SLC2A9: variants seen among roughly 807,000 people sequenced by gnomAD.
The protein encoded by SLC2A9 is solute carrier family 2 member 9, also known as solute carrier family 2, facilitated glucose transporter member 9.
SLC2A9 carries 39 observed loss-of-function variants against 50.6 expected under a neutral mutation model. The observed-to-expected ratio is 0.77, with a 90% CI of 0.60 to 1.01. SLC2A9 has a LOEUF of 1.01. Among genes scored for constraint, SLC2A9 ranks in the 50% least tolerant of loss-of-function variants. SLC2A9 has a pLI of 0.00. For missense variants in SLC2A9, 686 were observed against 677.6 expected, an observed-to-expected ratio of 1.01 and a Z score of -0.14; for synonymous variants, 324 against 276.9, an observed-to-expected ratio of 1.17 and a Z score of -1.69.
downstream of SLC2A9, among the ~76,000 whole-genome samples, chr4:9,825,176 T>C (rs1724934217): frequency 6.6e-6 from 1 of 152,236 alleles, no homozygotes; most frequent in Non-Finnish European, 1.5e-5. Flanking sequence ...TAGGACACGT[T>C]TTTTCATTTT....
intron 10 of SLC2A9, among the ~76,000 whole-genome samples, chr4:9,866,186 GA>G (rs1732434061): frequency 1.3e-5 from 2 of 152,034 alleles, no homozygotes; most frequent in Non-Finnish European, 2.9e-5. Context: ...GAATGGATAT[GA>G]ACATGGATGC....
intron 5 of SLC2A9, among the ~76,000 whole-genome samples, chr4:9,974,753 T>A (rs1754507835): frequency 6.6e-6 from 1 of 151,838 alleles, no homozygotes; most frequent in South Asian, 2.1e-4. Context: ...GAAAAAAAAA[T>A]TCTAAAATTC....
chr4:9,902,309 T>C lies in SLC2A9; in HGVS notation c.1113+5926A>G, dbSNP rs377049397. Among the ~76,000 whole-genome samples the C allele has an allele frequency of 1.1e-3, 163 of 152,304 alleles. 1 individual carries two copies. The highest frequency in any genetic ancestry group is 3.8e-3 in the African/African-American group (156 of 41,570). ...CTCCACAGCAGAGACCTTTGTCTGTTTTGTCCACTGGCACAGAGCAGGGGC... is the reference window on the plus strand; with the variant it reads ...CTCCACAGCAGAGACCTTTGTCTGTCTTGTCCACTGGCACAGAGCAGGGGC... On this transcript the variant is annotated intron_variant, in intron 8 of 11. Transcript: ENST00000264784.
At chr4:9,830,041 G>T (rs1443580724) in intron 11 of SLC2A9, among the ~76,000 whole-genome samples, 1 of 152,142 alleles carries the variant, frequency 6.6e-6, no homozygotes, top group Non-Finnish European at 1.5e-5. Context: ...GTAAATCATT[G>T]TATTATAAAG....
intron 2 of SLC2A9, among the ~76,000 whole-genome samples, chr4:10,010,726 C>T (rs1246183697): frequency 5.3e-5 from 8 of 152,240 alleles, no homozygotes; most frequent in African/African-American, 1.9e-4. Context: ...ACTGCACAAA[C>T]AGGCACCAAG....
chr4:10,037,110 T>C (rs1211272626), intron 1 of SLC2A9, among the ~76,000 whole-genome samples: 1 of 152,222 alleles, frequency 6.6e-6, no homozygotes, highest in Admixed American at 6.5e-5. Context: ...CTTGTTGAAG[T>C]GTGATTTATG....
At chr4:10,001,481 T>A (rs1400991130) in intron 2 of SLC2A9, among the ~76,000 whole-genome samples, 1 of 152,202 alleles carries the variant, frequency 6.6e-6, no homozygotes, top group Non-Finnish European at 1.5e-5. Flanking sequence ...ACTTCTGACC[T>A]CTAGAACTAT....
At chr4:9,790,222 G>A (rs1215498057) in intron 3 of SLC2A9, among the ~76,000 whole-genome samples, 1 of 152,146 alleles carries the variant, frequency 6.6e-6, no homozygotes, top group Non-Finnish European at 1.5e-5. Context: ...TTGCCCATGG[G>A]TCCTCTCCAG....
At chr4:9,912,756 T>C (rs1742083160) in intron 7 of SLC2A9, among the ~76,000 whole-genome samples, 1 of 152,246 alleles carries the variant, frequency 6.6e-6, no homozygotes, top group Non-Finnish European at 1.5e-5. Context: ...AATGTTCACA[T>C]GCTAATCCTG....
rs147061304 is a variant in SLC2A9, at chr4:9,812,069, T to A, written n.421-12828A>T. ...CTGTGAGTCCAGATTATGTCACTGG[T>A]AACTGAAAGAGTCCTAAGTAATAAA... is the stretch of plus-strand genomic sequence containing the variant. On this transcript the variant is annotated intron_variant and non_coding_transcript_variant, in intron 3 of 3. Transcript: ENST00000503280. 7.1e-4 allele frequency among the ~76,000 whole-genome samples: 108 copies of A among 152,332 alleles called. 2 individuals are homozygous for A. Among genetic ancestry groups the A allele is most frequent in the Middle Eastern group, 3.4e-3 (1 of 294 alleles).
At chr4:9,941,557 T>C (rs1192713774) in intron 6 of SLC2A9, among the ~76,000 whole-genome samples, 2 of 152,144 alleles carry the variant, frequency 1.3e-5, no homozygotes, top group East Asian at 1.9e-4. Context: ...AGGGCCGCCA[T>C]GCACCTAAGC....
At chr4:10,028,039 G>A (rs1439883656) in intron 1 of SLC2A9, among the ~76,000 whole-genome samples, 3 of 152,034 alleles carry the variant, frequency 2.0e-5, no homozygotes, top group Non-Finnish European at 4.4e-5. Context: ...ATTTGCTCAC[G>A]AGCCTCCCAT....
chr4:9,938,911 G>C (rs1455334432), intron 6 of SLC2A9, among the ~76,000 whole-genome samples: 3 of 152,162 alleles, frequency 2.0e-5, no homozygotes, highest in Non-Finnish European at 4.4e-5. Context: ...TATGAACTGG[G>C]GGTGGGGATG....
At chr4:9,934,168 A>G (rs767180150) in intron 6 of SLC2A9, among the ~76,000 whole-genome samples, 4 of 152,212 alleles carry the variant, frequency 2.6e-5, no homozygotes, top group Non-Finnish European at 5.9e-5. Flanking sequence ...CCACACTAGC[A>G]TATAAGAGGA....
At chr4:9,942,809 C>T (rs1208529948) in intron 5 of SLC2A9, among the ~76,000 whole-genome samples, 3 of 152,194 alleles carry the variant, frequency 2.0e-5, no homozygotes, top group Non-Finnish European at 4.4e-5. Flanking sequence ...CAAATAGGCT[C>T]TCAGTGTGCC....
intron 10 of SLC2A9, among the ~76,000 whole-genome samples, chr4:9,850,354 C>T (rs1208491028): frequency 6.6e-6 from 1 of 152,156 alleles, no homozygotes; most frequent in Non-Finnish European, 1.5e-5. Context: ...GGAACATCTG[C>T]AGTGAAGCAT....
intron 10 of SLC2A9, among the ~76,000 whole-genome samples, chr4:9,877,545 A>G (rs1734501011): frequency 6.6e-6 from 1 of 152,218 alleles, no homozygotes; most frequent in Non-Finnish European, 1.5e-5. Context: ...TTTGACACAC[A>G]TGGGTTCCTT....
At chr4:9,924,168 T>C (rs1744473662) in intron 6 of SLC2A9, 1 of 152,250 alleles carries the variant, frequency 6.6e-6, no homozygotes, top group Non-Finnish European at 1.5e-5. Flanking sequence ...AGCCTCATTA[T>C]CTTATGACCA....
At chr4:9,792,327 C>A (rs1401546583) in intron 3 of SLC2A9, among the ~76,000 whole-genome samples, 1 of 150,718 alleles carries the variant, frequency 6.6e-6, no homozygotes, top group Non-Finnish European at 1.5e-5. Context: ...TAGGCATGCA[C>A]CACCACACCT....
Sources: allele counts gnomAD v4.1 joint callset (sites outside exome capture counted in the v4.1 genomes callset), GRCh38; gene constraint gnomAD v4.1.1; transcripts MANE v1.5; gene names NCBI Gene and HGNC (gene_info 2026-07-23, HGNC 2026-07-21).